Variants in PKNOX2 observed in about 807,000 individuals in gnomAD.
PKNOX2 encodes PBX/knotted 1 homeobox 2.
In PKNOX2, 14 loss-of-function variants were observed where a neutral mutation model predicts 53.1. The ratio of observed to expected loss-of-function variants is 0.26; its 90% CI spans 0.17 to 0.41. PKNOX2 has a LOEUF of 0.41. Among genes scored for constraint, PKNOX2 ranks in the 10% least tolerant of loss-of-function variants. PKNOX2 has a pLI of 1.00. For missense variants in PKNOX2, 496 were observed against 602.8 expected, an observed-to-expected ratio of 0.82 and a Z score of 1.85; for synonymous variants, 257 against 242.8, an observed-to-expected ratio of 1.06 and a Z score of -0.54.
At position 125,370,034 on chromosome 11, in the gene PKNOX2, C is replaced by T. The variant is rs73626794; in HGVS notation, c.227+2049C>T. ...TCCTATGCATACTGAAGACTCACCT[C>T]GCAGCTGCTCAGACCCCTGGGTCAG... On this transcript the variant is annotated intron_variant, in intron 5 of 12. Transcript: ENST00000298282. The surrounding 1 kb of genome is among the most constrained non-coding windows in gnomAD (Gnocchi z 4.1). Among the ~76,000 whole-genome samples the T allele has an allele frequency of 9.2e-3, 1,406 of 152,198 alleles. 29 individuals carry two copies. The highest frequency in any genetic ancestry group is 0.032 in the African/African-American group (1,329 of 41,518).
chr11:125,170,400 T>C (rs1482203232), intron 1 of PKNOX2, among the ~76,000 whole-genome samples: 2 of 152,086 alleles, frequency 1.3e-5, no homozygotes, highest in Non-Finnish European at 2.9e-5. Flanking sequence ...TCCATTTTGA[T>C]TGGGGGTGGG....
At chr11:125,287,558 G>A (rs1363841140) in intron 2 of PKNOX2, among the ~76,000 whole-genome samples, 1 of 152,148 alleles carries the variant, frequency 6.6e-6, no homozygotes, top group African/African-American at 2.4e-5. Context: ...GTCTTTAGCT[G>A]GGGCAGTCAC....
At chr11:125,286,935 G>C (rs1946943317) in intron 2 of PKNOX2, among the ~76,000 whole-genome samples, 1 of 152,200 alleles carries the variant, frequency 6.6e-6, no homozygotes, top group African/African-American at 2.4e-5. Context: ...TCTCAAGAGG[G>C]AAAGCGTTGC....
At chr11:125,267,309 G>T (rs1300513660) in intron 2 of PKNOX2, among the ~76,000 whole-genome samples, 1 of 152,170 alleles carries the variant, frequency 6.6e-6, no homozygotes, top group Non-Finnish European at 1.5e-5. Context: ...GATAGTGCTC[G>T]TATCTGGAGT....
At chr11:125,417,653 A>G (rs1406952578) in intron 10 of PKNOX2, among the ~76,000 whole-genome samples, 1 of 152,020 alleles carries the variant, frequency 6.6e-6, no homozygotes, top group Admixed American at 6.5e-5. Context: ...AACCACAGAC[A>G]TCTCTTGGCT....
chr11:125,351,413 G>A (rs1187113928), intron 4 of PKNOX2, 21 bp downstream of exon 4: 2 of 1,512,874 alleles, frequency 1.3e-6, no homozygotes, highest in Non-Finnish European at 1.8e-6. Flanking sequence ...AGGGGCCGCT[G>A]CCTCCCACCA....
chr11:125,426,729 C>T lies in PKNOX2; in HGVS notation c.937-2283C>T, dbSNP rs1174192269. Among the ~76,000 whole-genome samples the T allele has an allele frequency of 2.6e-5, 4 of 152,220 alleles. No homozygotes were observed. The East Asian group carries it at 7.7e-4, about 29-fold the overall frequency. On this transcript the variant is annotated intron_variant, in intron 10 of 12. Transcript: ENST00000298282. ...GTTGGCCTCTTTGCCTGTCTGCACA[C>T]TGTGCCTGGTCTGCACACTGGAAAT...
intron 2 of PKNOX2, among the ~76,000 whole-genome samples, chr11:125,271,098 G>C (rs1945759965): frequency 6.6e-6 from 1 of 152,146 alleles, no homozygotes; most frequent in South Asian, 2.1e-4. Flanking sequence ...GATTTGGAGG[G>C]AAGATGTTTG....
intron 2 of PKNOX2, chr11:125,239,708 A>T (rs946272998): frequency 6.6e-6 from 1 of 152,226 alleles, no homozygotes; most frequent in Non-Finnish European, 1.5e-5. Context: ...CCAGATCTTG[A>T]TGGGAACCTA....
intron 3 of PKNOX2, among the ~76,000 whole-genome samples, chr11:125,339,382 G>A (rs1408821328): frequency 2.6e-5 from 4 of 152,196 alleles, no homozygotes; most frequent in South Asian, 4.1e-4. Context: ...GAGAGGGGAT[G>A]CTCCCTAACG....
At chr11:125,393,855 C>T (rs1954228731) in intron 6 of PKNOX2, among the ~76,000 whole-genome samples, 1 of 150,100 alleles carries the variant, frequency 6.7e-6, no homozygotes, top group Admixed American at 6.7e-5. Flanking sequence ...CCAAACCACG[C>T]ACCCTTTATA....
chr11:125,401,324 A>G (rs1954736116), intron 7 of PKNOX2, among the ~76,000 whole-genome samples: 2 of 152,290 alleles, frequency 1.3e-5, no homozygotes, highest in South Asian at 4.2e-4. Context: ...GAGTGACAGC[A>G]AGTGAAAGGA....
intron 1 of PKNOX2, among the ~76,000 whole-genome samples, chr11:125,198,532 A>G (rs686277): frequency 0.21 from 32,384 of 152,088 alleles, 3,873 homozygotes; most frequent in Admixed American, 0.32. Flanking sequence ...GTCTCACTAT[A>G]TTTTCCTTCA....
chr11:125,285,173 C>A (rs1946817282), intron 2 of PKNOX2, among the ~76,000 whole-genome samples: 1 of 152,020 alleles, frequency 6.6e-6, no homozygotes, highest in South Asian at 2.1e-4. Flanking sequence ...GAACTCAAGG[C>A]TAGGGGGGTG....
chr11:125,226,647 T>A (rs1020792486), intron 1 of PKNOX2, among the ~76,000 whole-genome samples: 21 of 152,130 alleles, frequency 1.4e-4, no homozygotes, highest in Admixed American at 1.4e-3. Context: ...ATTCCCCTCT[T>A]CTTTTAGATT....
At chr11:125,248,668 A>G (rs1392757107) in intron 2 of PKNOX2, among the ~76,000 whole-genome samples, 1 of 148,648 alleles carries the variant, frequency 6.7e-6, no homozygotes, top group African/African-American at 2.5e-5. Flanking sequence ...TGTTATATAT[A>G]ATACATGTTA....
chr11:125,223,927 T>G (rs1941445970), intron 1 of PKNOX2, among the ~76,000 whole-genome samples: 1 of 152,184 alleles, frequency 6.6e-6, no homozygotes, highest in Non-Finnish European at 1.5e-5. Context: ...CACTGAAAGT[T>G]CTCTGATTCA....
chr11:125,349,512 G>GTGAGGCC (rs1341929460), intron 3 of PKNOX2, among the ~76,000 whole-genome samples: 1 of 152,212 alleles, frequency 6.6e-6, no homozygotes. Context: ...GTGACAGGCG[G>GTGAGGCC]TGAGGCCGAC....
chr11:125,419,344 A>G (rs954743288), intron 10 of PKNOX2, among the ~76,000 whole-genome samples: 6 of 151,822 alleles, frequency 4.0e-5, no homozygotes, highest in African/African-American at 1.5e-4. Context: ...AAATGCCTCC[A>G]GTCTCATTGA....
Sources: allele counts gnomAD v4.1 joint callset (sites outside exome capture counted in the v4.1 genomes callset), GRCh38; gene constraint gnomAD v4.1.1; non-coding constraint Gnocchi (gnomAD v3.1); transcripts MANE v1.5; gene names NCBI Gene and HGNC (gene_info 2026-07-23, HGNC 2026-07-21).